Variants in ITGA11 observed in about 807,000 individuals in gnomAD.
ITGA11 encodes the protein integrin subunit alpha 11.
In ITGA11, 97 loss-of-function variants were observed where a neutral mutation model predicts 141.9. The ratio of observed to expected loss-of-function variants is 0.68; its 90% CI spans 0.58 to 0.81. The LOEUF is 0.81. ITGA11 is among the 30% of genes least tolerant of loss of function. ITGA11 has a pLI of 0.00. For missense variants in ITGA11, 1,387 were observed against 1,559.2 expected (o/e 0.89, Z 1.86); for synonymous variants, 658 against 624.6 (o/e 1.05, Z -0.80).
rs748343254 is a variant in ITGA11 at position 68,326,742 on chromosome 15, A to G, written c.2123T>C (p.Leu708Pro). ...DERRYTPRAH[L>P]DEGGDRFTNR... ...GGTGAATCGGTCCCCGCCCTCGTCC[A>G]GGTGGGCCCTCGGTGTATACCGCCT... Residue 708 changes from leucine (L) to proline (P), a missense_variant, in exon 17 of 30, where the codon CTG (leucine) becomes CCG (proline). By Grantham distance (98) the Leu-to-Pro change is moderately conservative. Transcript: ENST00000315757. The surrounding 1 kb of genome is among the most constrained non-coding windows in gnomAD (Gnocchi z 6.8). 1 of 1,582,968 alleles carries G rather than the reference A, an allele frequency of 6.3e-7. No homozygotes were observed. The highest frequency in any genetic ancestry group is 8.6e-7 in the Non-Finnish European group (1 of 1,164,400).
At chr15:68,421,826 A>T (rs1191947337) in intron 1 of ITGA11, among the ~76,000 whole-genome samples, 3 of 152,130 alleles carry the variant, frequency 2.0e-5, no homozygotes, top group Admixed American at 6.5e-5. Context: ...GTTTATTAAA[A>T]TTTTTTTAGA....
At chr15:68,365,444 G>A (rs1895388471) in intron 3 of ITGA11, 1 of 553,400 alleles carries the variant, frequency 1.8e-6, no homozygotes, top group African/African-American at 2.1e-5. Flanking sequence ...CTCTGCGGCA[G>A]ATTAGAATCA....
At chr15:68,343,229 G>A (rs1221921607) in intron 10 of ITGA11, among the ~76,000 whole-genome samples, 2 of 152,166 alleles carry the variant, frequency 1.3e-5, no homozygotes, top group South Asian at 4.1e-4. Flanking sequence ...GTTCGTCATT[G>A]CGGTAGCATG....
intron 10 of ITGA11, among the ~76,000 whole-genome samples, chr15:68,342,787 T>C (rs1894612508): frequency 6.6e-6 from 1 of 152,158 alleles, no homozygotes; most frequent in African/African-American, 2.4e-5. Flanking sequence ...GCTACTGGTG[T>C]CTAGTGAGTC....
At position 68,403,131 on chromosome 15, in the gene ITGA11, G is replaced by A. The variant is rs1023695587; in HGVS notation, c.53-102C>T. On this transcript the variant is annotated intron_variant, in intron 1 of 29. Transcript: ENST00000315757. ...CCATTGGCAGGTCATGAACCTTGGA[G>A]GGTCTTGGCTGTGGGACAAGCATGT... 132 of 743,930 alleles carry A rather than the reference G, an allele frequency of 1.8e-4. No individual in the cohort carries two copies. In the African/African-American group the frequency reaches 2.0e-3, roughly 11 times the overall value. 46.1% of individuals were successfully genotyped at this position (743,930 alleles called of 1,614,324 possible). A position where few individuals can be genotyped will look rare whatever the true frequency, so the allele number is the denominator to read the frequency against.
chr15:68,412,185 G>A (rs1415775127), intron 1 of ITGA11, among the ~76,000 whole-genome samples: 5 of 152,184 alleles, frequency 3.3e-5, no homozygotes, highest in Admixed American at 1.3e-4. Flanking sequence ...GACCATCAGG[G>A]AGGAGGAACA....
Position 68,299,724 on chromosome 15 carries a change from C to G in ITGA11, c.*3335G>C, listed in dbSNP as rs1436140845. On this transcript the variant is annotated 3_prime_UTR_variant, in exon 30 of 30. Coordinates refer to ENST00000315757, the MANE Select transcript of ITGA11 (RefSeq NM_001004439.2). ...ACTGACTCAAGTCTAATGTCTTATT[C>G]TCAGACAGTATTGATGCTAAAACCT... The G allele has an allele frequency of 6.6e-6, 1 of 152,178 alleles. No homozygotes were observed. The highest frequency in any genetic ancestry group is 2.1e-4 in the South Asian group (1 of 4,826). 9.4% of individuals were successfully genotyped at this position (152,178 alleles called of 1,614,324 possible).
intron 9 of ITGA11, among the ~76,000 whole-genome samples, chr15:68,349,452 C>T (rs1011272873): frequency 2.6e-5 from 4 of 152,166 alleles, no homozygotes; most frequent in African/African-American, 4.8e-5. Context: ...ATCATTGGAT[C>T]GAATGTTCTC....
intron 11 of ITGA11, among the ~76,000 whole-genome samples, chr15:68,338,627 G>T (rs7178537): frequency 3.9e-5 from 6 of 152,298 alleles, no homozygotes; most frequent in African/African-American, 1.4e-4. Flanking sequence ...GTAACCACAG[G>T]GTGGGCAGAG....
intron 2 of ITGA11, among the ~76,000 whole-genome samples, chr15:68,388,875 T>A (rs974945162): frequency 7.9e-5 from 12 of 152,202 alleles, no homozygotes; most frequent in Non-Finnish European, 5.9e-5. Flanking sequence ...GCCTCCCAAG[T>A]ACAGTCTCTT....
chr15:68,385,184 C>T (rs985672972), intron 2 of ITGA11, among the ~76,000 whole-genome samples: 2 of 152,242 alleles, frequency 1.3e-5, no homozygotes, highest in Non-Finnish European at 2.9e-5. Context: ...GTTTCCATTG[C>T]TTGGAAAGTA....
chr15:68,390,564 C>A (rs1184228172), intron 2 of ITGA11, among the ~76,000 whole-genome samples: 6 of 152,174 alleles, frequency 3.9e-5, no homozygotes, highest in African/African-American at 1.4e-4. Context: ...TCCCCCACAG[C>A]CCCAGGAGAT....
At chr15:68,410,514 C>A (rs900135685) in intron 1 of ITGA11, among the ~76,000 whole-genome samples, 2 of 151,876 alleles carry the variant, frequency 1.3e-5, no homozygotes, top group Non-Finnish European at 2.9e-5. Context: ...GCAAAGTGAA[C>A]CTCTTGCTGC....
rs140022728 is a variant in ITGA11, at chr15:68,415,119, TCTG to T, written c.53-12093_53-12091del. Among the ~76,000 whole-genome samples the T allele has an allele frequency of 3.4e-3, 511 of 152,372 alleles. 5 individuals carry two copies. The highest frequency in any genetic ancestry group is 0.01 in the African/African-American group (422 of 41,588). On this transcript the variant is annotated intron_variant, in intron 1 of 29. Coordinates refer to ENST00000315757, the MANE Select transcript of ITGA11 (RefSeq NM_001004439.2). Reference sequence around the variant, plus strand: ...TACCCCTGGGTGGACTGCTTGTCTCTCTGCTAACTTGGCCTTATCCCCCTGCCT... The same window carrying T: ...TACCCCTGGGTGGACTGCTTGTCTCTCTAACTTGGCCTTATCCCCCTGCCT...
At chr15:68,348,754 C>T in intron 10 of ITGA11, 76 bp downstream of exon 10, 1 of 1,306,846 alleles carries the variant, frequency 7.7e-7, no homozygotes, top group South Asian at 1.3e-5. Context: ...ATGACAGATC[C>T]AGAGAGCTAG....
chr15:68,320,111 G>T, intron 20 of ITGA11, 74 bp downstream of exon 20: 3 of 1,316,882 alleles, frequency 2.3e-6, no homozygotes, highest in South Asian at 1.2e-5. Context: ...CCAACATGTA[G>T]CCAGGAGCCC....
intron 1 of ITGA11, among the ~76,000 whole-genome samples, chr15:68,417,916 A>G (rs1566944295): frequency 6.6e-6 from 1 of 152,222 alleles, no homozygotes; most frequent in African/African-American, 2.4e-5. Flanking sequence ...AATTAAAAAT[A>G]ATTACAGGTG....
At chr15:68,392,625 G>A (rs1199933217) in intron 2 of ITGA11, among the ~76,000 whole-genome samples, 1 of 152,160 alleles carries the variant, frequency 6.6e-6, no homozygotes, top group African/African-American at 2.4e-5. Flanking sequence ...TGATACACTG[G>A]AAAATCTATC....
In ITGA11 at chr15:68,328,366, C is replaced by G; in HGVS notation, c.1902-104G>C. 9.9e-7 allele frequency: 1 copy of G among 1,005,438 alleles called. No individual in the cohort carries two copies. The highest frequency in any genetic ancestry group is 1.5e-6 in the Non-Finnish European group (1 of 687,392). The allele number at this position is 1,005,438 out of a possible 1,614,324, so 62.3% of individuals were successfully genotyped here. Reference sequence around the variant, plus strand: ...CCAGATGCGAGTGGGATCTGCAAAGCCACTGGAGGGGGTGAGGTGGAGGAT... The same window carrying G: ...CCAGATGCGAGTGGGATCTGCAAAGGCACTGGAGGGGGTGAGGTGGAGGAT... On this transcript the variant is annotated intron_variant, in intron 15 of 29. Transcript: ENST00000315757. The surrounding 1 kb of genome is among the most constrained non-coding windows in gnomAD (Gnocchi z 4.8).
Sources: allele counts gnomAD v4.1 joint callset (sites outside exome capture counted in the v4.1 genomes callset), GRCh38; gene constraint gnomAD v4.1.1; non-coding constraint Gnocchi (gnomAD v3.1); transcripts MANE v1.5; gene names NCBI Gene and HGNC (gene_info 2026-07-23, HGNC 2026-07-21).